ADD3: variants seen among roughly 807,000 people sequenced by gnomAD.
ADD3 encodes adducin 3, also known as gamma-adducin.
In ADD3, 25 loss-of-function variants were observed where a neutral mutation model predicts 80.2. The observed-to-expected ratio is 0.31, with a 90% CI of 0.23 to 0.44. ADD3 has a LOEUF of 0.44. Ranked by LOEUF, ADD3 falls within the 20% of genes least tolerant of loss-of-function variation. ADD3 has a pLI of 1.00. For missense variants in ADD3, 829 were observed against 847.5 expected (o/e 0.98, Z 0.27); for synonymous variants, 284 against 289.6 (o/e 0.98, Z 0.20).
upstream of ADD3, among the ~76,000 whole-genome samples, chr10:110,007,633 G>T (rs1358236396): frequency 6.6e-6 from 1 of 152,166 alleles, no homozygotes; most frequent in Non-Finnish European, 1.5e-5. Flanking sequence ...TTGAAAAGGC[G>T]CCAGGCAGCC....
Position 110,122,796 on chromosome 10 carries a change from T to A in ADD3, c.1143+504T>A, listed in dbSNP as rs148492466. Reference sequence around the variant, plus strand: ...GCCACCGTGCCTGGCTAATTTATTTTTTTTTTTTTACTTTTTGTAGAGATA... The same window carrying A: ...GCCACCGTGCCTGGCTAATTTATTTATTTTTTTTTACTTTTTGTAGAGATA... On this transcript the variant is annotated intron_variant, in intron 9 of 14. Transcript: ENST00000356080. Among the ~76,000 whole-genome samples the A allele has an allele frequency of 2.1e-3, 319 of 152,094 alleles. 2 individuals carry two copies. Among genetic ancestry groups the A allele is most frequent in the African/African-American group, 5.5e-3 (227 of 41,492 alleles).
intron 8 of ADD3, among the ~76,000 whole-genome samples, chr10:110,121,170 G>C (rs1441580722): frequency 6.6e-6 from 1 of 151,986 alleles, no homozygotes; most frequent in African/African-American, 2.4e-5. Flanking sequence ...TAAACTAAAG[G>C]CCCTAATTTT....
chr10:110,117,426 T>C lies in ADD3; in HGVS notation c.567+4T>C. 6.4e-7 allele frequency: 1 copy of C among 1,564,176 alleles called. No homozygotes were observed. Among genetic ancestry groups the C allele is most frequent in the Non-Finnish European group, 8.8e-7 (1 of 1,134,990 alleles). On this transcript the variant is annotated splice_donor_region_variant and intron_variant, in intron 5 of 14. Coordinates refer to ENST00000356080, the MANE Select transcript of ADD3 (RefSeq NM_016824.5). ...TGAAGCTACAGCCTCCAATTTGGTA[T>C]AATTTTCCATTCCTGTGTTGCTTTT...
chr10:110,035,783 CAG>C (rs1482980324), intron 1 of ADD3, among the ~76,000 whole-genome samples: 1 of 129,586 alleles, frequency 7.7e-6, no homozygotes, highest in Non-Finnish European at 1.5e-5. Flanking sequence ...GTTTGAGACT[CAG>C]TGTTTTTTTA....
chr10:110,115,081 A>T (rs1181100857), intron 3 of ADD3, among the ~76,000 whole-genome samples: 3 of 91,258 alleles, frequency 3.3e-5, no homozygotes, highest in Non-Finnish European at 5.8e-5. Context: ...CCCTGCCTCT[A>T]AAAAAAAAAA....
intron 1 of ADD3, among the ~76,000 whole-genome samples, chr10:110,016,793 C>T (rs1208793498): frequency 6.6e-6 from 1 of 151,740 alleles, no homozygotes; most frequent in Non-Finnish European, 1.5e-5. Context: ...TTTTTCTTTC[C>T]CTATTTTCCA....
chr10:110,117,224 TGTTG>T, intron 4 of ADD3, 114 bp from the exon 5 acceptor site: 2 of 574,678 alleles, frequency 3.5e-6, no homozygotes, highest in East Asian at 3.0e-5. Context: ...ATTTTTGCTT[TGTTG>T]GTTTTTTTTT....
chr10:110,121,790 G>A (rs1339054547), intron 8 of ADD3: 1 of 191,730 alleles, frequency 5.2e-6, no homozygotes, highest in Non-Finnish European at 1.1e-5. Flanking sequence ...AGTATTAACT[G>A]GATAACCCTG....
At position 110,100,028 on chromosome 10, in the gene ADD3, T is replaced by C. The variant is rs72828290; in HGVS notation, c.-29-597T>C. Among the ~76,000 whole-genome samples, 823 of 152,028 alleles carry C rather than the reference T, an allele frequency of 5.4e-3. 4 individuals are homozygous for C. Among genetic ancestry groups the C allele is most frequent in the Non-Finnish European group, 7.5e-3 (510 of 67,892 alleles). Reference sequence around the variant, plus strand: ...ACAGAGGCTCATGCCTGTAATCTTATCACTTTGGGAGGCCAAGGCAGGAGG... The same window carrying C: ...ACAGAGGCTCATGCCTGTAATCTTACCACTTTGGGAGGCCAAGGCAGGAGG... On this transcript the variant is annotated intron_variant, in intron 1 of 14. Coordinates refer to ENST00000356080, the MANE Select transcript of ADD3 (RefSeq NM_016824.5).
chr10:110,045,155 A>G (rs765397931), intron 1 of ADD3, among the ~76,000 whole-genome samples: 7 of 152,176 alleles, frequency 4.6e-5, no homozygotes, highest in Non-Finnish European at 1.0e-4. Context: ...GGAGTTCAAG[A>G]CCAGCCTGGC....
chr10:110,106,780 G>A (rs186242410), intron 2 of ADD3, among the ~76,000 whole-genome samples: 10 of 152,086 alleles, frequency 6.6e-5, no homozygotes, highest in Admixed American at 2.6e-4. Flanking sequence ...ATGTTCTGGG[G>A]GCAAATTAAG....
intron 14 of ADD3, 23 bp downstream of exon 14, chr10:110,132,423 TA>T (rs1564677271): frequency 6.8e-7 from 1 of 1,479,954 alleles, no homozygotes; most frequent in Non-Finnish European, 9.4e-7. Flanking sequence ...ATTTCCCACA[TA>T]GCATTCACTG....
chr10:110,078,208 T>C (rs1310090452), intron 1 of ADD3, among the ~76,000 whole-genome samples: 2 of 150,388 alleles, frequency 1.3e-5, no homozygotes, highest in African/African-American at 5.0e-5. Context: ...CAAAAAGCAC[T>C]AGCCTGGGAA....
chr10:110,021,915 C>T lies in ADD3; in HGVS notation c.-30+13616C>T, dbSNP rs182154505. 2.0e-4 allele frequency among the ~76,000 whole-genome samples: 30 copies of T among 152,232 alleles called. No individual in the cohort carries two copies. In the East Asian group the frequency reaches 4.6e-3, roughly 23 times the overall value. ...AAAATACCAGGAAAAAAAATCTGTG[C>T]GTGCAAATTCAGATGTATGGAAGAA... is the stretch of plus-strand genomic sequence containing the variant. On this transcript the variant is annotated intron_variant, in intron 1 of 14. Transcript: ENST00000356080.
At chr10:110,075,161 T>C (rs369717126) in intron 1 of ADD3, among the ~76,000 whole-genome samples, 228 of 152,326 alleles carry the variant, frequency 1.5e-3, no homozygotes, top group Middle Eastern at 3.4e-3. Context: ...ACTGAGGGCA[T>C]GTGGATTCCT....
Position 110,073,475 on chromosome 10 carries a change from C to T in ADD3, c.-29-27150C>T, listed in dbSNP as rs547959440. On this transcript the variant is annotated intron_variant, in intron 1 of 14. Coordinates refer to ENST00000356080, the MANE Select transcript of ADD3 (RefSeq NM_016824.5). ...CTTATCTGTAAAGGAGGCATCATGA[C>T]AGTACTACCGATAGGGTTGCTGTGG... Among the ~76,000 whole-genome samples the T allele has an allele frequency of 4.6e-5, 7 of 152,268 alleles. No individual in the cohort carries two copies. In the South Asian group the frequency reaches 8.3e-4, roughly 18 times the overall value.
chr10:110,094,644 A>G (rs563643808), intron 1 of ADD3, among the ~76,000 whole-genome samples: 40 of 152,306 alleles, frequency 2.6e-4, no homozygotes, highest in African/African-American at 9.1e-4. Flanking sequence ...TCAGTTGTAT[A>G]TAAAATTTTG....
At chr10:110,107,599 A>G (rs1849536532) in intron 2 of ADD3, among the ~76,000 whole-genome samples, 6 of 152,232 alleles carry the variant, frequency 3.9e-5, no homozygotes, top group Admixed American at 3.9e-4. Context: ...ACAATTTTTT[A>G]TAAAAGTGTT....
chr10:110,054,436 T>C (rs953384511), intron 1 of ADD3, among the ~76,000 whole-genome samples: 5 of 119,858 alleles, frequency 4.2e-5, no homozygotes, highest in African/African-American at 1.7e-4. Context: ...AAGCCAGTTT[T>C]CTCTTTTTTT....
Sources: gnomAD v4.1 joint callset for allele counts (sites outside exome capture counted in the v4.1 genomes callset) on GRCh38, gnomAD v4.1.1 for gene constraint, MANE v1.5 for transcripts, NCBI Gene and HGNC (gene_info 2026-07-23, HGNC 2026-07-21) for gene names.